PCP4: variants seen among roughly 807,000 people sequenced by gnomAD.
The protein encoded by PCP4 is Purkinje cell protein 4.
In PCP4, 8 loss-of-function variants were observed where a neutral mutation model predicts 10.0. The observed-to-expected ratio is 0.80, with a 90% confidence interval of 0.47 to 1.45. The LOEUF is 1.45. PCP4 is among the 40% of genes most tolerant of loss of function. PCP4 has a pLI of 0.00. For synonymous variants in PCP4, 21 were observed against 23.0 expected (o/e 0.91, Z 0.24); for missense variants, 54 against 74.4 (o/e 0.73, Z 1.01).
chr21:39,906,060 C>T lies in PCP4; in HGVS notation c.61+7533C>T, dbSNP rs1197796836. On this transcript the variant is annotated intron_variant, in intron 2 of 2. Transcript: ENST00000328619. The surrounding 1 kb of genome is among the most constrained non-coding windows in gnomAD (Gnocchi z 6.3). ...GCGAGACTCCGTCTCAAAATGCTCCCCCATGCTGTCTTCCCTTTGATGTTA... is the reference window on the plus strand; with the variant it reads ...GCGAGACTCCGTCTCAAAATGCTCCTCCATGCTGTCTTCCCTTTGATGTTA... Among the ~76,000 whole-genome samples, 4 of 152,136 alleles carry T rather than the reference C, an allele frequency of 2.6e-5. No individual in the cohort carries two copies. The highest frequency in any genetic ancestry group is 7.2e-5 in the African/African-American group (3 of 41,450).
chr21:39,872,437 A>G (rs910342072), intron 1 of PCP4, among the ~76,000 whole-genome samples: 5 of 152,204 alleles, frequency 3.3e-5, no homozygotes, highest in Non-Finnish European at 7.3e-5. Context: ...CGCACAGATA[A>G]TATCAGGACC....
chr21:39,892,480 C>A (rs1223468041), intron 1 of PCP4, among the ~76,000 whole-genome samples: 1 of 151,924 alleles, frequency 6.6e-6, no homozygotes, highest in Non-Finnish European at 1.5e-5. Context: ...TCCCTAGAGC[C>A]TCTGTCCTCA....
At chr21:39,890,491 G>T (rs1442249177) in intron 1 of PCP4, among the ~76,000 whole-genome samples, 2 of 151,492 alleles carry the variant, frequency 1.3e-5, no homozygotes, top group African/African-American at 4.9e-5. Context: ...GAGTGGCTGG[G>T]ATTACAGGCA....
chr21:39,924,107 G>C (rs2087609814), intron 2 of PCP4, among the ~76,000 whole-genome samples: 1 of 152,154 alleles, frequency 6.6e-6, no homozygotes. Flanking sequence ...CCTGGATGAG[G>C]GCCCGAGTGA....
chr21:39,907,808 A>C (rs2087520093), intron 2 of PCP4, among the ~76,000 whole-genome samples: 1 of 150,454 alleles, frequency 6.6e-6, no homozygotes, highest in Non-Finnish European at 1.5e-5. Context: ...AAAAAAAAAA[A>C]GTGCCTTCTA....
intron 1 of PCP4, among the ~76,000 whole-genome samples, chr21:39,879,668 A>G (rs1474973055): frequency 1.3e-5 from 2 of 152,196 alleles, no homozygotes; most frequent in African/African-American, 4.8e-5. Flanking sequence ...ACATGGGCTG[A>G]AGAGTCAGGC....
chr21:39,926,048 C>T (rs1320624501), intron 2 of PCP4: 3 of 456,222 alleles, frequency 6.6e-6, no homozygotes, highest in African/African-American at 2.0e-5. Flanking sequence ...CCACTGCAGT[C>T]GGGTGCCCCA....
intron 2 of PCP4, among the ~76,000 whole-genome samples, chr21:39,927,282 C>CTATCTA (rs1269887970): frequency 2.7e-5 from 2 of 74,674 alleles, no homozygotes; most frequent in East Asian, 6.2e-4. Context: ...TCTCTCTGAT[C>CTATCTA]TATCTATCTA....
intron 1 of PCP4, among the ~76,000 whole-genome samples, chr21:39,869,419 C>T (rs73371260): frequency 0.016 from 2,452 of 152,356 alleles, 67 homozygotes; most frequent in African/African-American, 0.055. Context: ...GCTTATCAGA[C>T]ACATTTGCAG....
intron 1 of PCP4, among the ~76,000 whole-genome samples, chr21:39,874,816 A>C (rs1341338874): frequency 2.0e-5 from 3 of 152,108 alleles, no homozygotes; most frequent in Non-Finnish European, 4.4e-5. Context: ...TGCCCGGTGA[A>C]TGGCTGAAAG....
intron 1 of PCP4, among the ~76,000 whole-genome samples, chr21:39,878,627 A>T (rs538854963): frequency 6.6e-6 from 1 of 152,230 alleles, no homozygotes; most frequent in Admixed American, 6.5e-5. Context: ...AAGTGCACAC[A>T]TTGGTTGGTT....
intron 2 of PCP4, among the ~76,000 whole-genome samples, chr21:39,903,541 T>C (rs62236565): frequency 0.14 from 20,815 of 152,066 alleles, 1,640 homozygotes; most frequent in Middle Eastern, 0.23. Flanking sequence ...GAAGTTTCAG[T>C]AGGTGTGGGG....
intron 1 of PCP4, among the ~76,000 whole-genome samples, chr21:39,893,679 G>A (rs1247760160): frequency 1.3e-5 from 2 of 152,196 alleles, no homozygotes; most frequent in African/African-American, 4.8e-5. Flanking sequence ...ATGTTCTAAT[G>A]GTGAAATAAG....
At chr21:39,877,603 G>A (rs933222533) in intron 1 of PCP4, among the ~76,000 whole-genome samples, 1 of 152,068 alleles carries the variant, frequency 6.6e-6, no homozygotes, top group Non-Finnish European at 1.5e-5. Context: ...AGGCTGAGAT[G>A]GGTGGATGGT....
chr21:39,895,227 C>T (rs572445242), intron 1 of PCP4, among the ~76,000 whole-genome samples: 1 of 152,346 alleles, frequency 6.6e-6, no homozygotes, highest in Non-Finnish European at 1.5e-5. Flanking sequence ...AACTACTCAT[C>T]CATTCATCTA....
chr21:39,923,269 G>C (rs145379899), intron 2 of PCP4, among the ~76,000 whole-genome samples: 3 of 152,340 alleles, frequency 2.0e-5, no homozygotes, highest in African/African-American at 7.2e-5. Context: ...CAGGTTCTCA[G>C]AACTCCAGCC....
chr21:39,929,297 T>G lies in PCP4; in HGVS notation c.*186T>G. ...TTGTAGGAAGGTATAGACAATGGAA[T>G]TGTGAGTAGCTTAATCTCTATGTTT... On this transcript the variant is annotated 3_prime_UTR_variant, in exon 3 of 3. Coordinates refer to ENST00000328619, the MANE Select transcript of PCP4 (RefSeq NM_006198.3). 1 of 433,364 alleles carries G rather than the reference T, an allele frequency of 2.3e-6. No homozygotes were observed. Among genetic ancestry groups the G allele is most frequent in the Non-Finnish European group, 4.0e-6 (1 of 248,000 alleles). 26.8% of individuals were successfully genotyped at this position (433,364 alleles called of 1,614,324 possible). A position where few individuals can be genotyped will look rare whatever the true frequency, so the allele number is the denominator to read the frequency against.
chr21:39,924,970 C>T (rs2087613785), intron 2 of PCP4, among the ~76,000 whole-genome samples: 1 of 152,184 alleles, frequency 6.6e-6, no homozygotes, highest in African/African-American at 2.4e-5. Flanking sequence ...AGGCCCTGGC[C>T]CAGGGGCATG....
chr21:39,884,443 T>C (rs142099331), intron 1 of PCP4, among the ~76,000 whole-genome samples: 67 of 151,930 alleles, frequency 4.4e-4, no homozygotes, highest in African/African-American at 1.4e-3. Flanking sequence ...ACTCCCAAAG[T>C]GCTGGGATTA....
Sources: gnomAD v4.1 joint callset for allele counts (sites outside exome capture counted in the v4.1 genomes callset) on GRCh38, gnomAD v4.1.1 for gene constraint, Gnocchi (gnomAD v3.1) non-coding constraint, MANE v1.5 for transcripts, NCBI Gene and HGNC (gene_info 2026-07-23, HGNC 2026-07-21) for gene names.